CACNA1B: variants seen among roughly 807,000 people sequenced by gnomAD.
The protein encoded by CACNA1B is calcium voltage-gated channel subunit alpha1 B, also known as voltage-dependent N-type calcium channel subunit alpha-1B.
Under a neutral mutation model 247.2 loss-of-function variants are expected in CACNA1B, and 70 were observed. The ratio of observed to expected loss-of-function variants is 0.28; its 90% CI spans 0.23 to 0.35. The LOEUF (loss-of-function observed/expected upper bound fraction) is 0.35, where lower values mean the gene tolerates loss of function less well. CACNA1B is among the 10% of genes least tolerant of loss of function. The probability of loss-of-function intolerance (pLI) is 1.00; values close to 1 mark genes in which losing one functional copy is unlikely to be tolerated. For synonymous variants in CACNA1B, 1,231 were observed against 1,294.4 expected (o/e 0.95, Z 1.05); for missense variants, 2,367 against 3,197.4 (o/e 0.74, Z 6.26).
At position 138,052,325 on chromosome 9, in the gene CACNA1B, T is replaced by C. The variant is rs1959322759; in HGVS notation, c.3807+137T>C. Reference sequence around the variant, plus strand: ...ACACCCCTGTGTGAGGGGGTTGGGCTCACTCAGCTGTAAGCCCCCATTACC... The same window carrying C: ...ACACCCCTGTGTGAGGGGGTTGGGCCCACTCAGCTGTAAGCCCCCATTACC... On this transcript the variant is annotated intron_variant, in intron 25 of 46. Coordinates refer to ENST00000371372, the MANE Select transcript of CACNA1B (RefSeq NM_000718.4). This position sits in a 1 kb window ranked among gnomAD's most constrained non-coding sequence, Gnocchi z 5.1. 5 of 599,948 alleles carry C rather than the reference T, an allele frequency of 8.3e-6. No homozygotes were observed. Among genetic ancestry groups the C allele is most frequent in the East Asian group, 3.0e-5 (1 of 33,496 alleles). 37.2% of individuals were successfully genotyped at this position (599,948 alleles called of 1,614,324 possible). A position where few individuals can be genotyped will look rare whatever the true frequency, so the allele number is the denominator to read the frequency against.
chr9:137,934,984 C>T (rs527348638), intron 6 of CACNA1B, among the ~76,000 whole-genome samples: 3 of 152,136 alleles, frequency 2.0e-5, no homozygotes, highest in South Asian at 4.2e-4. Flanking sequence ...GAAGAAATCC[C>T]GGATTTACCT....
At chr9:137,894,845 C>T (rs557001956) in intron 3 of CACNA1B, among the ~76,000 whole-genome samples, 11 of 152,202 alleles carry the variant, frequency 7.2e-5, no homozygotes, top group East Asian at 1.9e-4. Context: ...CTCCCATTTT[C>T]GTAACAGAGA....
chr9:138,110,915 G>A (rs539263206), intron 39 of CACNA1B, among the ~76,000 whole-genome samples: 34 of 151,982 alleles, frequency 2.2e-4, no homozygotes, highest in Non-Finnish European at 4.4e-4. Flanking sequence ...GAAGATATAT[G>A]GAAGGCAAAC....
chr9:138,013,100 G>A (rs558298074), intron 17 of CACNA1B, 29 bp from the exon 18 acceptor site: 13 of 1,541,892 alleles, frequency 8.4e-6, no homozygotes, highest in African/African-American at 4.1e-5. Context: ...ACTGTGAGGG[G>A]AACTGGACAT....
rs1200532659 is a variant in CACNA1B, at chr9:138,025,149, T to C, written c.3263T>C (p.Leu1088Pro). The C allele has an allele frequency of 1.9e-6, 3 of 1,611,926 alleles. No individual in the cohort carries two copies. Among genetic ancestry groups the C allele is most frequent in the Admixed American group, 1.7e-5 (1 of 59,842 alleles). ...ATCCCAGTGATGCTGACGGGCCCTC[T>C]TGGGGAAGCCACGGTCGTTCCCAGT... Reference protein sequence around the residue: ...VHIPVMLTGPLGEATVVPSGN... With the variant: ...VHIPVMLTGPPGEATVVPSGN... Residue 1088 changes from leucine to proline, a missense_variant, in exon 20 of 47, where the codon CTT becomes CCT. Physicochemically the swap from Leu to Pro is moderately conservative, Grantham distance 98. Around this residue, in one of 12 missense-constraint regions of CACNA1B, gnomAD observed 631 missense variants for 631.1 expected, o/e 1.00. Coordinates refer to ENST00000371372, the MANE Select transcript of CACNA1B (RefSeq NM_000718.4).
chr9:138,084,031 C>T (rs1960613587), intron 36 of CACNA1B, among the ~76,000 whole-genome samples: 1 of 150,946 alleles, frequency 6.6e-6, no homozygotes, highest in Admixed American at 6.6e-5. Context: ...CCCCTTCTTC[C>T]TGAATTGGAC....
chr9:138,038,343 C>A (rs911065691), intron 20 of CACNA1B, among the ~76,000 whole-genome samples: 7 of 152,204 alleles, frequency 4.6e-5, no homozygotes, highest in Non-Finnish European at 4.4e-5. Context: ...GTTGTGCACA[C>A]TTCCTGTCCC....
At chr9:138,069,297 T>C (rs1398091349) in intron 31 of CACNA1B, among the ~76,000 whole-genome samples, 3 of 152,198 alleles carry the variant, frequency 2.0e-5, no homozygotes, top group South Asian at 2.1e-4. Flanking sequence ...AATAGAGTTT[T>C]AGCAAGGGCA....
chr9:138,096,644 G>A (rs772970784), intron 37 of CACNA1B, 33 bp downstream of exon 37: 2 of 1,600,284 alleles, frequency 1.2e-6, no homozygotes, highest in South Asian at 1.1e-5. Flanking sequence ...TGGTCCTTGG[G>A]GGTGGTCCAT....
chr9:138,079,881 A>G (rs1353774047), intron 36 of CACNA1B, among the ~76,000 whole-genome samples: 1 of 152,098 alleles, frequency 6.6e-6, no homozygotes, highest in Non-Finnish European at 1.5e-5. Flanking sequence ...TCTCAAAAAA[A>G]AAAAAAAAAA....
chr9:137,884,962 C>A lies in CACNA1B; in HGVS notation c.530+2079C>A, dbSNP rs796500497. 5.5e-5 allele frequency among the ~76,000 whole-genome samples: 6 copies of A among 109,174 alleles called. 1 individual carries two copies. The East Asian group carries it at 9.7e-4, about 18-fold the overall frequency. 71.6% of individuals were successfully genotyped at this position (109,174 alleles called of 152,430 possible). Reference sequence around the variant, plus strand: ...CTCTCCCTCCTCTCCCCTCTTCCCCCCCCCCCTCCTCCCACTTTGCCTGTC... The same window carrying A: ...CTCTCCCTCCTCTCCCCTCTTCCCCACCCCCCTCCTCCCACTTTGCCTGTC... On this transcript the variant is annotated intron_variant, in intron 3 of 46. Coordinates refer to ENST00000371372, the MANE Select transcript of CACNA1B (RefSeq NM_000718.4).
intron 39 of CACNA1B, among the ~76,000 whole-genome samples, chr9:138,106,541 G>A (rs1190156323): frequency 2.0e-5 from 3 of 152,306 alleles, no homozygotes; most frequent in Non-Finnish European, 2.9e-5. Flanking sequence ...AGGCCGAGGT[G>A]GGCGGATCAC....
intron 20 of CACNA1B, among the ~76,000 whole-genome samples, chr9:138,039,116 A>C (rs1959083735): frequency 6.6e-6 from 1 of 152,088 alleles, no homozygotes; most frequent in Non-Finnish European, 1.5e-5. Context: ...GAATCGCTTG[A>C]ACCCAGGAGG....
In CACNA1B at chr9:137,913,406, G is replaced by T; in HGVS notation, c.622+135G>T. ...GCCACTTTTGACCCCAGGGAACCAG[G>T]CAGGAGGAAGGGAGGAGCAGGCCTT... On this transcript the variant is annotated intron_variant, in intron 4 of 46. Coordinates refer to ENST00000371372, the MANE Select transcript of CACNA1B (RefSeq NM_000718.4). This position sits in a 1 kb window ranked among gnomAD's most constrained non-coding sequence, Gnocchi z 5.2. The T allele has an allele frequency of 1.5e-6, 1 of 658,302 alleles. No homozygotes were observed. The allele number at this position is 658,302 out of a possible 1,614,324, so 40.8% of individuals were successfully genotyped here. A position where few individuals can be genotyped will look rare whatever the true frequency, so the allele number is the denominator to read the frequency against.
chr9:137,965,645 C>G (rs1189611023), intron 10 of CACNA1B, among the ~76,000 whole-genome samples: 4 of 152,228 alleles, frequency 2.6e-5, no homozygotes, highest in African/African-American at 7.2e-5. Context: ...GTCGCCTAGG[C>G]TGGAATGCAA....
At chr9:138,033,799 C>G (rs1217826901) in intron 20 of CACNA1B, among the ~76,000 whole-genome samples, 4 of 152,124 alleles carry the variant, frequency 2.6e-5, no homozygotes, top group Non-Finnish European at 5.9e-5. Flanking sequence ...ATCACGAGAA[C>G]AGCATAGGGG....
chr9:138,043,688 C>CGGGGGCATGGGAGCTGGGAG, intron 20 of CACNA1B, 86 bp from the exon 21 acceptor site: 1 of 1,512,988 alleles, frequency 6.6e-7, no homozygotes, highest in Non-Finnish European at 9.1e-7. Flanking sequence ...ACGCAAGTGC[C>CGGGGGCATGGGAGCTGGGAG]GGGGGCATGG....
intron 20 of CACNA1B, 86 bp downstream of exon 20, chr9:138,025,258 T>G (rs780092545): frequency 1.1e-5 from 10 of 873,042 alleles, no homozygotes; most frequent in Non-Finnish European, 1.8e-5. Context: ...CAGCAGCCAC[T>G]GGGGACCCAG....
At chr9:137,951,600 A>G (rs974538919) in intron 6 of CACNA1B, among the ~76,000 whole-genome samples, 30 of 152,234 alleles carry the variant, frequency 2.0e-4, no homozygotes, top group Non-Finnish European at 3.4e-4. Flanking sequence ...TCCCCTGGGA[A>G]TGCATAAAAA....
Sources: allele counts gnomAD v4.1 joint callset (sites outside exome capture counted in the v4.1 genomes callset), GRCh38; gene constraint gnomAD v4.1.1; regional missense constraint gnomAD v4.1.1; non-coding constraint Gnocchi (gnomAD v3.1); transcripts MANE v1.5; gene names NCBI Gene and HGNC (gene_info 2026-07-23, HGNC 2026-07-21).